The following CLSTN2 variants were observed in gnomAD, a reference collection of about 807,000 sequenced individuals.
CLSTN2 encodes calsyntenin 2.
A neutral mutation model predicts 101.2 loss-of-function variants in CLSTN2; 48 were observed. The ratio of observed to expected loss-of-function variants is 0.47; its 90% CI spans 0.38 to 0.60. The LOEUF (loss-of-function observed/expected upper bound fraction) is 0.60, where lower values mean the gene tolerates loss of function less well. Among genes scored for constraint, CLSTN2 ranks in the 20% least tolerant of loss-of-function variants. The pLI is 0.00. For missense variants in CLSTN2, 1,160 were observed against 1,238.2 expected (o/e 0.94, Z 0.95); for synonymous variants, 481 against 463.6 (o/e 1.04, Z -0.48).
In CLSTN2 at chr3:140,304,111, G is replaced by A. The variant is rs2087087997; in HGVS notation, c.233-99518G>A. Among the ~76,000 whole-genome samples the A allele has an allele frequency of 2.0e-5, 3 of 152,086 alleles. No homozygotes were observed. In the South Asian group the frequency reaches 6.2e-4, roughly 32 times the overall value. ...AGCTATGTGGTTATCTCTGAAACTCGCAGTGGGAAGATGAAATAGCTTCTG... is the reference window on the plus strand; with the variant it reads ...AGCTATGTGGTTATCTCTGAAACTCACAGTGGGAAGATGAAATAGCTTCTG... On this transcript the variant is annotated intron_variant, in intron 2 of 16. Transcript: ENST00000458420.
At chr3:140,073,673 T>C (rs1011708821) in intron 1 of CLSTN2, among the ~76,000 whole-genome samples, 2 of 152,226 alleles carry the variant, frequency 1.3e-5, no homozygotes, top group Non-Finnish European at 2.9e-5. Flanking sequence ...CTTAAAGCAC[T>C]GGACACTTAG....
At chr3:139,991,173 C>A (rs1936108340) in intron 1 of CLSTN2, among the ~76,000 whole-genome samples, 1 of 152,062 alleles carries the variant, frequency 6.6e-6, no homozygotes, top group South Asian at 2.1e-4. Flanking sequence ...ACATATTGTT[C>A]TTTTGGGGCA....
At chr3:140,253,071 G>A (rs963793746) in intron 2 of CLSTN2, among the ~76,000 whole-genome samples, 2 of 152,136 alleles carry the variant, frequency 1.3e-5, no homozygotes, top group Non-Finnish European at 2.9e-5. Flanking sequence ...GTGTAAGTTC[G>A]ATCACTGGGA....
chr3:140,058,160 C>T (rs1465763168), intron 1 of CLSTN2, among the ~76,000 whole-genome samples: 1 of 152,074 alleles, frequency 6.6e-6, no homozygotes, highest in African/African-American at 2.4e-5. Context: ...GTGAAGTGAA[C>T]GGTTGTGAGA....
intron 2 of CLSTN2, among the ~76,000 whole-genome samples, chr3:140,265,179 A>G (rs1267154374): frequency 1.3e-5 from 2 of 152,216 alleles, no homozygotes; most frequent in Admixed American, 6.5e-5. Context: ...GGGCCCAAAC[A>G]GTGAAGCCAA....
At chr3:140,171,603 A>G (rs1386595303) in intron 1 of CLSTN2, among the ~76,000 whole-genome samples, 1 of 135,950 alleles carries the variant, frequency 7.4e-6, no homozygotes, top group Non-Finnish European at 1.5e-5. Flanking sequence ...ATACTGTATA[A>G]TGTGCATTAT....
intron 2 of CLSTN2, among the ~76,000 whole-genome samples, chr3:140,362,555 A>G (rs2087740194): frequency 1.3e-5 from 2 of 152,210 alleles, no homozygotes; most frequent in South Asian, 4.1e-4. Context: ...AAAAACGTAC[A>G]AATCATATAT....
At chr3:140,455,128 C>T (rs1933365755) in intron 6 of CLSTN2, among the ~76,000 whole-genome samples, 1 of 152,232 alleles carries the variant, frequency 6.6e-6, no homozygotes, top group South Asian at 2.1e-4. Context: ...TTAGATATTA[C>T]ATAAATGTCT....
intron 2 of CLSTN2, among the ~76,000 whole-genome samples, chr3:140,315,201 C>T (rs1170210755): frequency 6.6e-6 from 1 of 152,194 alleles, no homozygotes; most frequent in Non-Finnish European, 1.5e-5. Context: ...GATTCGGAAG[C>T]TGTGGAAGTG....
At position 140,550,177 on chromosome 3, in the gene CLSTN2, C is replaced by T. The variant is rs566898883; in HGVS notation, c.1674+3496C>T. 7.5e-4 allele frequency among the ~76,000 whole-genome samples: 114 copies of T among 151,796 alleles called. 3 individuals carry two copies. Among genetic ancestry groups the T allele is most frequent in the Middle Eastern group, 3.4e-3 (1 of 292 alleles). On this transcript the variant is annotated intron_variant, in intron 10 of 16. Transcript: ENST00000458420. ...TAGGCAGGGGCCATATCAGAGCCCA[C>T]CTATTAACCATGTTTAGGTGTTTAC...
intron 1 of CLSTN2, among the ~76,000 whole-genome samples, chr3:140,174,929 G>A (rs2010297453): frequency 6.6e-6 from 1 of 152,178 alleles, no homozygotes; most frequent in South Asian, 2.1e-4. Context: ...GGTGTTGGCA[G>A]GTCCAGGTTC....
chr3:140,016,372 C>A (rs1009187900), intron 1 of CLSTN2, among the ~76,000 whole-genome samples: 1 of 152,048 alleles, frequency 6.6e-6, no homozygotes, highest in Non-Finnish European at 1.5e-5. Context: ...AAACATCTGA[C>A]GTGCTAGGAT....
At chr3:140,071,676 A>G (rs1408671842) in intron 1 of CLSTN2, among the ~76,000 whole-genome samples, 1 of 151,950 alleles carries the variant, frequency 6.6e-6, no homozygotes, top group Non-Finnish European at 1.5e-5. Flanking sequence ...CTAAAAATAC[A>G]AAAAATTAGC....
At chr3:140,087,607 G>T (rs1439193353) in intron 1 of CLSTN2, among the ~76,000 whole-genome samples, 1 of 152,146 alleles carries the variant, frequency 6.6e-6, no homozygotes, top group Non-Finnish European at 1.5e-5. Flanking sequence ...AAAAAAGATA[G>T]ACTGCTGTTT....
intron 2 of CLSTN2, among the ~76,000 whole-genome samples, chr3:140,337,280 C>T (rs1048466938): frequency 3.9e-5 from 6 of 152,182 alleles, no homozygotes; most frequent in Admixed American, 6.5e-5. Flanking sequence ...ACATTTAGTT[C>T]CTTCTGAGGG....
In CLSTN2 at chr3:140,572,157, C is replaced by G. The variant is rs1985576594; in HGVS notation, c.*5904C>G. The G allele has an allele frequency of 6.6e-6, 1 of 152,250 alleles. No individual in the cohort carries two copies. Among genetic ancestry groups the G allele is most frequent in the Non-Finnish European group, 1.5e-5 (1 of 68,092 alleles). 9.4% of individuals were successfully genotyped at this position (152,250 alleles called of 1,614,324 possible). A position where few individuals can be genotyped will look rare whatever the true frequency, so the allele number is the denominator to read the frequency against. On this transcript the variant is annotated 3_prime_UTR_variant, in exon 17 of 17. Transcript: ENST00000458420. The stretch of plus-strand genomic sequence containing the variant: ...GGACAGAAGTTTAGTGTTAGGGAGG[C>G]AGGGTAACTTGCTTTGACAGCTACC...
chr3:140,150,684 G>A (rs1560109995), intron 1 of CLSTN2, among the ~76,000 whole-genome samples: 1 of 152,144 alleles, frequency 6.6e-6, no homozygotes, highest in African/African-American at 2.4e-5. Flanking sequence ...CCAGAGGTGT[G>A]TTGAGGCTGC....
intron 1 of CLSTN2, among the ~76,000 whole-genome samples, chr3:140,050,174 G>T (rs1415720822): frequency 6.6e-6 from 1 of 152,150 alleles, no homozygotes; most frequent in African/African-American, 2.4e-5. Flanking sequence ...CCATACATTA[G>T]ATAATCTTGA....
rs138018985 is a variant in CLSTN2, at chr3:139,983,559, A to G, written c.109+48076A>G. Among the ~76,000 whole-genome samples the G allele has an allele frequency of 3.0e-3, 453 of 152,302 alleles. 3 individuals carry two copies. Among genetic ancestry groups the G allele is most frequent in the African/African-American group, 0.011 (437 of 41,562 alleles). ...CTTTGGAGATAGGAGGGATTATTTC[A>G]TAGTAATAACACTGCTGTCTACTGG... On this transcript the variant is annotated intron_variant, in intron 1 of 16. Coordinates refer to ENST00000458420, the MANE Select transcript of CLSTN2 (RefSeq NM_022131.3).
Sources: gnomAD v4.1 joint callset for allele counts (sites outside exome capture counted in the v4.1 genomes callset) on GRCh38, gnomAD v4.1.1 for gene constraint, MANE v1.5 for transcripts, NCBI Gene and HGNC (gene_info 2026-07-23, HGNC 2026-07-21) for gene names.